Variants in P4HA3 observed in about 807,000 individuals in gnomAD.
P4HA3 encodes the protein prolyl 4-hydroxylase subunit alpha-3.
Under a neutral mutation model 66.7 loss-of-function variants are expected in P4HA3, and 60 were observed. That is an observed-to-expected ratio of 0.90 (90% confidence interval 0.73 to 1.12). The LOEUF (loss-of-function observed/expected upper bound fraction) is 1.12, where lower values mean the gene tolerates loss of function less well. Among genes scored for constraint, P4HA3 ranks in the 50% most tolerant of loss-of-function variants. The probability of loss-of-function intolerance (pLI) is 0.00; values close to 1 mark genes in which losing one functional copy is unlikely to be tolerated. For synonymous variants in P4HA3, 263 were observed against 274.6 expected (o/e 0.96, Z 0.42); for missense variants, 683 against 685.8 (o/e 1.00, Z 0.05).
chr11:74,298,889 T>C (rs1302871649), intron 3 of P4HA3, among the ~76,000 whole-genome samples: 1 of 152,232 alleles, frequency 6.6e-6, no homozygotes, highest in Non-Finnish European at 1.5e-5. Flanking sequence ...AAAAGTAAAC[T>C]TGAAACAGCA....
intron 10 of P4HA3, among the ~76,000 whole-genome samples, chr11:74,272,390 G>A (rs1433991704): frequency 6.6e-6 from 1 of 152,062 alleles, no homozygotes; most frequent in African/African-American, 2.4e-5. Context: ...CCTGTTTTTT[G>A]GCAGCAGTTC....
At chr11:74,252,630 T>C (rs1859732186) in intron 15 of P4HA3, 2 of 432,854 alleles carry the variant, frequency 4.6e-6, no homozygotes, top group South Asian at 1.6e-5. Context: ...GTCCTGTGCA[T>C]TGTAGGATGC....
chr11:74,309,797 G>A (rs1268319814), intron 1 of P4HA3, among the ~76,000 whole-genome samples: 1 of 152,014 alleles, frequency 6.6e-6, no homozygotes, highest in South Asian at 2.1e-4. Context: ...CTGTTTATAC[G>A]CAAGCCACAT....
At chr11:74,274,110 C>T (rs1029635401) in intron 9 of P4HA3, among the ~76,000 whole-genome samples, 3 of 151,960 alleles carry the variant, frequency 2.0e-5, no homozygotes, top group African/African-American at 7.3e-5. Flanking sequence ...GTTTAGAACA[C>T]AGAACACTTC....
intron 1 of P4HA3, among the ~76,000 whole-genome samples, chr11:74,305,680 G>C (rs1861559509): frequency 6.6e-6 from 1 of 152,176 alleles, no homozygotes; most frequent in Non-Finnish European, 1.5e-5. Flanking sequence ...CAGACTCCAT[G>C]CTAGATTCTA....
chr11:74,255,615 T>C (rs1338436604), intron 15 of P4HA3, among the ~76,000 whole-genome samples: 1 of 147,206 alleles, frequency 6.8e-6, no homozygotes, highest in African/African-American at 2.7e-5. Context: ...ACTGGCTTTC[T>C]CACTAACTGG....
rs559902740 is a variant in P4HA3, at chr11:74,280,808, A to G, written c.1111-1356T>C. 1.8e-4 allele frequency among the ~76,000 whole-genome samples: 28 copies of G among 152,316 alleles called. No homozygotes were observed. In the South Asian group the frequency reaches 5.2e-3, roughly 28 times the overall value. The stretch of plus-strand genomic sequence containing the variant: ...GACAGAAGCTCTTTCCCTTCTCTGA[A>G]GCTTCCATAATGTCATTGTCCCTCC... On this transcript the variant is annotated intron_variant, in intron 7 of 12. Coordinates refer to ENST00000331597, the MANE Select transcript of P4HA3 (RefSeq NM_182904.5).
At chr11:74,302,655 T>A in intron 2 of P4HA3, 63 bp from the exon 3 acceptor site, 1 of 1,413,350 alleles carries the variant, frequency 7.1e-7, no homozygotes, top group South Asian at 1.3e-5. Flanking sequence ...ATTTAATACA[T>A]GTAAGGCATG....
chr11:74,285,516 G>A (rs542638895), intron 7 of P4HA3: 25 of 285,066 alleles, frequency 8.8e-5, no homozygotes, highest in African/African-American at 5.4e-4. Context: ...CATTTGGTGA[G>A]TTTTGACAAA....
chr11:74,286,971 T>G, intron 5 of P4HA3: 1 of 469,012 alleles, frequency 2.1e-6, no homozygotes. Flanking sequence ...CATTCTTGGC[T>G]CCACTAGATC....
chr11:74,302,570 C>G lies in P4HA3; in HGVS notation c.366G>C (p.Lys122Asn). Residue 122 changes from lysine (K) to asparagine (N), a missense_variant, in exon 3 of 13, where the codon AAG (lysine) becomes AAC (asparagine). Physicochemically the swap from Lys to Asn is moderately conservative, Grantham distance 94. Coordinates refer to ENST00000331597, the MANE Select transcript of P4HA3 (RefSeq NM_182904.5). ...NIRALKDGYEKVEQDLPAFED... is the reference protein window; with the variant it reads ...NIRALKDGYENVEQDLPAFED... Reference sequence around the variant, plus strand: ...CAAAGGCTGGAAGGTCTTGCTCCACCTTCTCATAGCCATCCTTCAGAGCTG... The same window carrying G: ...CAAAGGCTGGAAGGTCTTGCTCCACGTTCTCATAGCCATCCTTCAGAGCTG... The G allele has an allele frequency of 6.2e-7, 1 of 1,613,982 alleles. No individual in the cohort carries two copies. The highest frequency in any genetic ancestry group is 8.5e-7 in the Non-Finnish European group (1 of 1,179,966).
chr11:74,261,091 C>T (rs1404366370), intron 14 of P4HA3, among the ~76,000 whole-genome samples: 3 of 152,098 alleles, frequency 2.0e-5, no homozygotes, highest in Non-Finnish European at 4.4e-5. Flanking sequence ...GCTCTTGCCC[C>T]ATGTCCAAGA....
Position 74,267,148 on chromosome 11 carries a change from TCCAGGAG to T in P4HA3, c.*93_*99del. On this transcript the variant is annotated 3_prime_UTR_variant, in exon 13 of 13. Transcript: ENST00000331597. ...ACAGACAAAGCTGACAAGGCCTTCT[TCCAGGAG>T]GCTGCTCTGCTTTCTCCTCTCCTAC... The T allele has an allele frequency of 6.3e-7, 1 of 1,580,584 alleles. No individual in the cohort carries two copies. Among genetic ancestry groups the T allele is most frequent in the Non-Finnish European group, 8.6e-7 (1 of 1,165,554 alleles).
chr11:74,256,049 T>C (rs758756901), intron 15 of P4HA3: 2 of 468,940 alleles, frequency 4.3e-6, no homozygotes, highest in Non-Finnish European at 8.7e-6. Flanking sequence ...CTAATTCACT[T>C]GACACACATC....
chr11:74,280,454 C>T (rs558332751), intron 7 of P4HA3, among the ~76,000 whole-genome samples: 7 of 152,214 alleles, frequency 4.6e-5, no homozygotes, highest in East Asian at 1.9e-4. Flanking sequence ...GCCACCATAC[C>T]GGGCCTAAAT....
chr11:74,280,249 A>T (rs1301997797), intron 7 of P4HA3, among the ~76,000 whole-genome samples: 1 of 151,884 alleles, frequency 6.6e-6, no homozygotes, highest in Non-Finnish European at 1.5e-5. Context: ...CAACTCCTAG[A>T]CTCAAGCAAT....
intron 15 of P4HA3, chr11:74,255,946 CTATGTGCCCTCTTGTCCA>C (rs759846980): frequency 3.9e-6 from 2 of 517,090 alleles, no homozygotes; most frequent in Admixed American, 3.9e-5. Flanking sequence ...CTTTGCTGAG[CTATGTGCCCTCTTGTCCA>C]CAAGAGGGCA....
chr11:74,301,885 G>A lies in P4HA3; in HGVS notation c.567+484C>T, dbSNP rs190135426. Among the ~76,000 whole-genome samples the A allele has an allele frequency of 8.5e-5, 13 of 152,244 alleles. No homozygotes were observed. In the East Asian group the frequency reaches 2.3e-3, roughly 27 times the overall value. ...TTGCATTGGATTCCAGAAAGTCTCAGGAGGCTGTTTCCGTGATCTTACCTT... is the reference window on the plus strand; with the variant it reads ...TTGCATTGGATTCCAGAAAGTCTCAAGAGGCTGTTTCCGTGATCTTACCTT... On this transcript the variant is annotated intron_variant, in intron 3 of 12. Coordinates refer to ENST00000331597, the MANE Select transcript of P4HA3 (RefSeq NM_182904.5).
chr11:74,304,358 G>A lies in P4HA3; in HGVS notation c.255C>T (p.Asn85=), dbSNP rs780771325. Residue 85 remains asparagine, a synonymous_variant, in exon 2 of 13, where the codon AAC becomes AAT. Transcript: ENST00000331597. Reference sequence around the variant, plus strand: ...TGATGAGAGTAAATGCAAGCAGAGGGTTAGCCACAGGGGTTGTTGAATCCT... The same window carrying A: ...TGATGAGAGTAAATGCAAGCAGAGGATTAGCCACAGGGGTTGTTGAATCCT... ...LHEDSTTPVA[N]PLLAFTLIKR... The A allele has an allele frequency of 1.9e-6, 3 of 1,614,090 alleles. No homozygotes were observed. The highest frequency in any genetic ancestry group is 2.5e-6 in the Non-Finnish European group (3 of 1,179,970).
Sources: gnomAD v4.1 joint callset for allele counts (sites outside exome capture counted in the v4.1 genomes callset) on GRCh38, gnomAD v4.1.1 for gene constraint, MANE v1.5 for transcripts, NCBI Gene and HGNC (gene_info 2026-07-23, HGNC 2026-07-21) for gene names.